Variants in IL1RAPL2 observed in about 807,000 individuals in gnomAD.
The protein encoded by IL1RAPL2 is X-linked interleukin-1 receptor accessory protein-like 2.
Under a neutral mutation model 44.1 loss-of-function variants are expected in IL1RAPL2, and 3 were observed. The ratio of observed to expected loss-of-function variants is 0.07; its 90% CI spans 0.03 to 0.18. The LOEUF is 0.18. Ranked by LOEUF, IL1RAPL2 falls within the 10% of genes least tolerant of loss-of-function variation. The pLI is 1.00. For synonymous variants in IL1RAPL2, 181 were observed against 178.8 expected, an observed-to-expected ratio of 1.01 and a Z score of -0.10; for missense variants, 391 against 496.4, an observed-to-expected ratio of 0.79 and a Z score of 2.02.
At chrX:105,123,147 CT>C (rs1315634988) in intron 2 of IL1RAPL2, among the ~76,000 whole-genome samples, 2 of 110,826 alleles carry the variant, frequency 1.8e-5, no homozygotes, top group African/African-American at 6.5e-5. Context: ...TGCCAAGAAA[CT>C]TTTACCTGAG....
chrX:104,958,119 C>G (rs935539714), intron 2 of IL1RAPL2, among the ~76,000 whole-genome samples: 4 of 111,122 alleles, frequency 3.6e-5, no homozygotes, highest in Admixed American at 9.6e-5. Flanking sequence ...TGAATGAATG[C>G]TCTTCTGTCA....
At chrX:105,628,159 C>A (rs138896416) in intron 6 of IL1RAPL2, among the ~76,000 whole-genome samples, 1 of 111,439 alleles carries the variant, frequency 9.0e-6, no homozygotes, top group African/African-American at 3.3e-5. Flanking sequence ...TGGTATTGTA[C>A]CCATTTCATT....
intron 5 of IL1RAPL2, among the ~76,000 whole-genome samples, chrX:105,316,626 A>C (rs1217383234): frequency 1.8e-5 from 2 of 112,101 alleles, no homozygotes. Flanking sequence ...AACAAAATCA[A>C]ATAAACCTTG....
intron 2 of IL1RAPL2, among the ~76,000 whole-genome samples, chrX:105,003,609 A>G (rs1359534968): frequency 9.0e-6 from 1 of 110,936 alleles, no homozygotes; most frequent in Non-Finnish European, 1.9e-5. Context: ...ATTTCTCTGG[A>G]GCAAGTTTCT....
chrX:104,909,531 G>A (rs1924157273), intron 2 of IL1RAPL2, among the ~76,000 whole-genome samples: 1 of 111,627 alleles, frequency 9.0e-6, no homozygotes, highest in African/African-American at 3.3e-5. Context: ...TGGTGTGGAT[G>A]TCCTTTCTGT....
chrX:104,659,741 C>A (rs903723756), intron 2 of IL1RAPL2, among the ~76,000 whole-genome samples: 63 of 112,115 alleles, frequency 5.6e-4, no homozygotes, highest in African/African-American at 1.9e-3. Flanking sequence ...TATATGGAAA[C>A]AAAAGATTGT....
chrX:104,752,570 A>G (rs1319308857), intron 2 of IL1RAPL2, among the ~76,000 whole-genome samples: 1 of 110,298 alleles, frequency 9.1e-6, no homozygotes, highest in Non-Finnish European at 1.9e-5. Flanking sequence ...GTCATGTCAC[A>G]TGGTTTAGTG....
chrX:104,854,904 G>T (rs991284539), intron 2 of IL1RAPL2, among the ~76,000 whole-genome samples: 8 of 111,610 alleles, frequency 7.2e-5, no homozygotes, highest in African/African-American at 2.6e-4. Flanking sequence ...TTTACCAGAA[G>T]AAGAGAACAT....
At chrX:104,941,301 T>C (rs1482388481) in intron 2 of IL1RAPL2, among the ~76,000 whole-genome samples, 4 of 111,712 alleles carry the variant, frequency 3.6e-5, no homozygotes, top group Admixed American at 9.5e-5. Context: ...ATGGTTGAAC[T>C]AGTTTACAGT....
chrX:104,924,699 G>A (rs1184112117), intron 2 of IL1RAPL2, among the ~76,000 whole-genome samples: 1 of 111,087 alleles, frequency 9.0e-6, no homozygotes, highest in Non-Finnish European at 1.9e-5. Context: ...AATAAAAACA[G>A]TGCTAAGAGG....
intron 6 of IL1RAPL2, among the ~76,000 whole-genome samples, chrX:105,509,201 G>C (rs113195552): frequency 0.085 from 9,453 of 111,536 alleles, 1,001 homozygotes; most frequent in African/African-American, 0.29. Flanking sequence ...TGAAGAAAAA[G>C]CTAAATTATA....
intron 2 of IL1RAPL2, among the ~76,000 whole-genome samples, chrX:104,825,545 C>T (rs1297605178): frequency 8.9e-6 from 1 of 111,733 alleles, no homozygotes; most frequent in Non-Finnish European, 1.9e-5. Context: ...ATGAATTTCT[C>T]CAAGTGCTCT....
intron 6 of IL1RAPL2, among the ~76,000 whole-genome samples, chrX:105,680,091 C>T (rs974521401): frequency 9.0e-6 from 1 of 111,149 alleles, no homozygotes; most frequent in African/African-American, 3.3e-5. Flanking sequence ...ACCTCCGCCT[C>T]CCAGGTTCAA....
At chrX:105,644,772 C>G (rs74994108) in intron 6 of IL1RAPL2, among the ~76,000 whole-genome samples, 5,660 of 110,046 alleles carry the variant, frequency 0.051, 387 homozygotes, top group African/African-American at 0.18. Flanking sequence ...CCCATGCCCC[C>G]CCAACAGGCC....
intron 6 of IL1RAPL2, among the ~76,000 whole-genome samples, chrX:105,689,945 A>T (rs188868259): frequency 9.0e-6 from 1 of 111,490 alleles, no homozygotes; most frequent in East Asian, 2.8e-4. Flanking sequence ...GGAAACCCTC[A>T]TTCTCAGCAA....
intron 6 of IL1RAPL2, among the ~76,000 whole-genome samples, chrX:105,570,392 G>C (rs1297442333): frequency 8.9e-6 from 1 of 112,038 alleles, no homozygotes; most frequent in East Asian, 2.8e-4. Flanking sequence ...TTTGTGAATT[G>C]TGCTGCTATA....
At chrX:105,087,003 TA>T (rs1398708767) in intron 2 of IL1RAPL2, among the ~76,000 whole-genome samples, 1 of 109,990 alleles carries the variant, frequency 9.1e-6, no homozygotes, top group African/African-American at 3.3e-5. Context: ...AACAGATTTT[TA>T]AAAAAACCCT....
chrX:105,492,287 G>T (rs1372869600), intron 6 of IL1RAPL2, among the ~76,000 whole-genome samples: 6 of 110,562 alleles, frequency 5.4e-5, no homozygotes, highest in African/African-American at 2.0e-4. Context: ...ACAAAGATGG[G>T]ATTTCAACAA....
chrX:104,876,942 A>G lies in IL1RAPL2; in HGVS notation c.82+217947A>G, dbSNP rs371507728. 1.8e-5 allele frequency among the ~76,000 whole-genome samples: 2 copies of G among 108,549 alleles called. 1 individual carries two copies. Among genetic ancestry groups the G allele is most frequent in the Admixed American group, 2.0e-4 (2 of 10,039 alleles). 94.3% of individuals were successfully genotyped at this position (108,549 alleles called of 115,157 possible). A position where few individuals can be genotyped will look rare whatever the true frequency, so the allele number is the denominator to read the frequency against. ...CCCCTTCCTGTGTCCATGTGTTCTC[A>G]TTGTTCAATTCCCACCGATGAGTGA... On this transcript the variant is annotated intron_variant, in intron 2 of 10. Coordinates refer to ENST00000372582, the MANE Select transcript of IL1RAPL2 (RefSeq NM_017416.2).
Sources: allele counts gnomAD v4.1 joint callset (sites outside exome capture counted in the v4.1 genomes callset), GRCh38; gene constraint gnomAD v4.1.1; transcripts MANE v1.5; gene names NCBI Gene and HGNC (gene_info 2026-07-23, HGNC 2026-07-21).